PGM5: variants seen among roughly 807,000 people sequenced by gnomAD.
The protein encoded by PGM5 is phosphoglucomutase 5, also known as phosphoglucomutase-like protein 5.
PGM5 carries 23 observed loss-of-function variants against 59.2 expected under a neutral mutation model. The observed-to-expected ratio is 0.39, with a 90% CI of 0.28 to 0.55. PGM5 has a LOEUF of 0.55. Ranked by LOEUF, PGM5 falls within the 20% of genes least tolerant of loss-of-function variation. PGM5 has a pLI of 0.66. For synonymous variants in PGM5, 214 were observed against 286.0 expected (o/e 0.75, Z 2.54); for missense variants, 574 against 748.3 (o/e 0.77, Z 2.72).
intron 6 of PGM5, among the ~76,000 whole-genome samples, chr9:68,402,908 G>A (rs1822707831): frequency 6.6e-6 from 1 of 152,156 alleles, no homozygotes; most frequent in South Asian, 2.1e-4. Flanking sequence ...GTAGTGTTGA[G>A]CTGGGTCTAT....
At chr9:68,449,214 T>C (rs1587813742) in intron 6 of PGM5, among the ~76,000 whole-genome samples, 1 of 152,270 alleles carries the variant, frequency 6.6e-6, no homozygotes, top group East Asian at 1.9e-4. Context: ...CCTAATAATA[T>C]CACGTTGGGG....
intron 1 of PGM5, chr9:68,371,487 G>GGGTTGT (rs1432738020): frequency 6.6e-6 from 1 of 152,112 alleles, no homozygotes; most frequent in Admixed American, 6.5e-5. Context: ...ATGTTGGAGG[G>GGGTTGT]GGTTGTGGGA....
chr9:68,527,205 A>G (rs1021869010), intron 10 of PGM5, among the ~76,000 whole-genome samples: 4 of 152,254 alleles, frequency 2.6e-5, no homozygotes, highest in Admixed American at 2.0e-4. Context: ...AAAGATGTGG[A>G]GTCAAAAAAT....
chr9:68,487,417 A>G (rs1413890689), intron 9 of PGM5, among the ~76,000 whole-genome samples: 5 of 147,428 alleles, frequency 3.4e-5, no homozygotes, highest in Non-Finnish European at 6.0e-5. Context: ...GTTCAAGAAA[A>G]GGATACAACT....
At chr9:68,487,520 A>C (rs895721305) in intron 9 of PGM5, among the ~76,000 whole-genome samples, 2 of 150,566 alleles carry the variant, frequency 1.3e-5, no homozygotes, top group East Asian at 1.9e-4. Flanking sequence ...TATTTTTAAA[A>C]GTAATAATCA....
At chr9:68,479,794 C>T (rs1824164494) in intron 8 of PGM5, among the ~76,000 whole-genome samples, 1 of 152,042 alleles carries the variant, frequency 6.6e-6, no homozygotes, top group African/African-American at 2.4e-5. Flanking sequence ...ATTAGCTGGG[C>T]GTAGTGGCGG....
At chr9:68,451,272 G>A (rs1381618076) in intron 6 of PGM5, among the ~76,000 whole-genome samples, 3 of 152,190 alleles carry the variant, frequency 2.0e-5, no homozygotes, top group African/African-American at 7.2e-5. Context: ...AATTGAATAT[G>A]TATAAAATAC....
At chr9:68,486,974 A>T (rs74444946) in intron 9 of PGM5, among the ~76,000 whole-genome samples, 1,734 of 152,332 alleles carry the variant, frequency 0.011, 30 homozygotes, top group African/African-American at 0.039. Context: ...CTGTTATTTT[A>T]AAACAACCTA....
intron 7 of PGM5, among the ~76,000 whole-genome samples, chr9:68,469,531 T>G (rs1823989505): frequency 6.6e-6 from 1 of 152,200 alleles, no homozygotes; most frequent in Admixed American, 6.5e-5. Flanking sequence ...AAGTTGACTG[T>G]TTTCATATGT....
intron 4 of PGM5, among the ~76,000 whole-genome samples, chr9:68,390,315 A>G (rs1265050489): frequency 6.6e-6 from 1 of 152,168 alleles, no homozygotes; most frequent in Admixed American, 6.5e-5. Context: ...AGTATGAGCA[A>G]TGTTTCTGGG....
intron 10 of PGM5, among the ~76,000 whole-genome samples, chr9:68,515,236 GC>G (rs1824807598): frequency 1.3e-5 from 2 of 152,358 alleles, no homozygotes; most frequent in Non-Finnish European, 2.9e-5. Context: ...CATAAAGTGT[GC>G]ATTAACCATC....
At chr9:68,525,052 G>A (rs1009897869) in intron 10 of PGM5, among the ~76,000 whole-genome samples, 2 of 151,968 alleles carry the variant, frequency 1.3e-5, no homozygotes, top group African/African-American at 4.8e-5. Flanking sequence ...CATTCCAACT[G>A]CCTCTCCAAT....
intron 1 of PGM5, among the ~76,000 whole-genome samples, chr9:68,358,244 T>C (rs1554675964): frequency 1.3e-5 from 2 of 152,230 alleles, no homozygotes; most frequent in Non-Finnish European, 2.9e-5. Context: ...TCGGTTTTCA[T>C]CCTTGTTTTC....
chr9:68,498,371 A>T (rs1351305184), intron 9 of PGM5: 2 of 152,204 alleles, frequency 1.3e-5, no homozygotes, highest in African/African-American at 4.8e-5. Flanking sequence ...TATCTTATAT[A>T]AAATGCAGAT....
At chr9:68,471,648 A>G (rs1374219070) in intron 7 of PGM5, among the ~76,000 whole-genome samples, 1 of 151,342 alleles carries the variant, frequency 6.6e-6, no homozygotes, top group Non-Finnish European at 1.5e-5. Flanking sequence ...GACTCGGTGC[A>G]GTGGCTCATG....
At chr9:68,426,613 A>ATTT (rs58295629) in intron 6 of PGM5, among the ~76,000 whole-genome samples, 3 of 136,224 alleles carry the variant, frequency 2.2e-5, no homozygotes, top group South Asian at 2.3e-4. Context: ...TCTCTTTATT[A>ATTT]TTTTTTTTTT....
intron 2 of PGM5, among the ~76,000 whole-genome samples, chr9:68,380,729 A>C: frequency 6.6e-6 from 1 of 151,916 alleles, no homozygotes; most frequent in Non-Finnish European, 1.5e-5. Context: ...CAAATAAATA[A>C]AATCAGAAAT....
chr9:68,411,963 A>T (rs1290444852), intron 6 of PGM5, among the ~76,000 whole-genome samples: 18 of 148,672 alleles, frequency 1.2e-4, no homozygotes, highest in Non-Finnish European at 2.7e-4. Flanking sequence ...ATAGTAGTTG[A>T]TCAATGTGGT....
chr9:68,400,815 G>A (rs1822648665), intron 6 of PGM5: 1 of 152,566 alleles, frequency 6.6e-6, no homozygotes, highest in Admixed American at 6.5e-5. Context: ...ATCAATGTGA[G>A]ATGAAAGGAA....
Sources: gnomAD v4.1 joint callset for allele counts (sites outside exome capture counted in the v4.1 genomes callset) on GRCh38, gnomAD v4.1.1 for gene constraint, MANE v1.5 for transcripts, NCBI Gene and HGNC (gene_info 2026-07-23, HGNC 2026-07-21) for gene names.